Variants in FHDC1 observed in about 807,000 individuals in gnomAD.
The protein encoded by FHDC1 is FH2 domain containing 1, also known as FH2 domain-containing protein 1.
In FHDC1, 25 loss-of-function variants were observed where a neutral mutation model predicts 52.6. That is an observed-to-expected ratio of 0.48 (90% CI 0.35 to 0.66). The LOEUF is 0.66. Ranked by LOEUF, FHDC1 falls within the 30% of genes least tolerant of loss-of-function variation. The pLI, the probability that FHDC1 is intolerant of heterozygous loss-of-function variation, is 0.01. For missense variants in FHDC1, 1,459 were observed against 1,452.8 expected, an observed-to-expected ratio of 1.00 and a Z score of -0.07; for synonymous variants, 616 against 581.5, an observed-to-expected ratio of 1.06 and a Z score of -0.85.
chr4:152,912,498 C>T, the FHDC1 span: 1 of 152,224 alleles, frequency 6.6e-6, no homozygotes, highest in Non-Finnish European at 1.5e-5. Context: ...AATGGGCCCT[C>T]AAAAGTATAT....
At position 152,977,228 on chromosome 4, in the gene FHDC1, T is replaced by A. The variant is rs2149965297; in HGVS notation, c.*505T>A. On this transcript the variant is annotated 3_prime_UTR_variant, in exon 12 of 12. Coordinates refer to ENST00000511601, the MANE Select transcript of FHDC1 (RefSeq NM_001371116.1). ...GCAACATGGAGAAACCCCGTCTCTA[T>A]CAGAAATACAAAATTTAGCCGAGTG... is the stretch of plus-strand genomic sequence containing the variant. 6.6e-6 allele frequency: 1 copy of A among 152,160 alleles called. No homozygotes were observed. Among genetic ancestry groups the A allele is most frequent in the East Asian group, 1.9e-4 (1 of 5,158 alleles). The allele number at this position is 152,160 out of a possible 1,614,324, so 9.4% of individuals were successfully genotyped here. A position where few individuals can be genotyped will look rare whatever the true frequency, so the allele number is the denominator to read the frequency against.
intron 1 of FHDC1, among the ~76,000 whole-genome samples, chr4:152,941,812 C>T (rs540244482): frequency 6.6e-6 from 1 of 152,182 alleles, no homozygotes; most frequent in South Asian, 2.1e-4. Flanking sequence ...AATTACACCC[C>T]GAAGTGCCGT....
In FHDC1 at chr4:152,976,475, C is replaced by T. The variant is rs768907742; in HGVS notation, c.3184C>T (p.Arg1062Trp). ...CGTGGCCAAAGCCCCCGGCATCACT[C>T]GGACAGTGTCGCAGCGGCAGCTGAG... ...PPVAKAPGIT[R>W]TVSQRQLRVK... The change falls in exon 12 of 12, where the codon CGG becomes TGG. Residue 1062 changes from arginine (R) to tryptophan (W), a missense_variant. Transcript: ENST00000511601. The T allele has an allele frequency of 3.1e-6, 5 of 1,613,604 alleles. No individual in the cohort carries two copies. The highest frequency in any genetic ancestry group is 4.2e-6 in the Non-Finnish European group (5 of 1,180,026).
chr4:152,974,590 C>A, intron 11 of FHDC1, 85 bp from the exon 12 acceptor site: 1 of 1,478,474 alleles, frequency 6.8e-7, no homozygotes, highest in Non-Finnish European at 9.0e-7. Flanking sequence ...CTGTATCTTT[C>A]TTTGGCTCTT....
chr4:152,971,171 CAT>C (rs1740626198), intron 10 of FHDC1, among the ~76,000 whole-genome samples: 1 of 152,002 alleles, frequency 6.6e-6, no homozygotes, highest in South Asian at 2.1e-4. Context: ...TCCTGGGAAA[CAT>C]AGGGAAACCC....
chr4:152,971,959 C>G (rs902016315), intron 10 of FHDC1, among the ~76,000 whole-genome samples: 1 of 152,122 alleles, frequency 6.6e-6, no homozygotes, highest in African/African-American at 2.4e-5. Flanking sequence ...GAGCGAGTAG[C>G]TTCAGGGACC....
At chr4:152,924,336 C>A in the FHDC1 span, among the ~76,000 whole-genome samples, 2 of 152,054 alleles carry the variant, frequency 1.3e-5, no homozygotes, top group African/African-American at 4.8e-5. Flanking sequence ...GTTAGAATGG[C>A]AATCATTAAA....
At chr4:152,966,342 A>G (rs1418618046) in intron 9 of FHDC1, among the ~76,000 whole-genome samples, 2 of 152,258 alleles carry the variant, frequency 1.3e-5, no homozygotes, top group East Asian at 3.8e-4. Context: ...TTATTGCACA[A>G]AGAAACATTT....
At chr4:152,960,940 G>A in intron 6 of FHDC1, 96 bp downstream of exon 6, 1 of 819,350 alleles carries the variant, frequency 1.2e-6, no homozygotes, top group South Asian at 2.0e-5. Context: ...GGAAAGTCCT[G>A]AATTTCTGAT....
chr4:152,975,029 C>A lies in FHDC1; in HGVS notation c.1738C>A (p.Arg580=). Residue 580 remains arginine, a synonymous_variant, in exon 12 of 12, where the codon CGG becomes AGG. Coordinates refer to ENST00000511601, the MANE Select transcript of FHDC1 (RefSeq NM_001371116.1). ...SLPRSSPRQA[R]PTIACLEPAE... is the part of the protein sequence containing the mutation. Reference sequence around the variant, plus strand: ...GCCCCGGAGCAGCCCCCGGCAGGCCCGGCCCACGATAGCCTGCCTGGAGCC... The same window carrying A: ...GCCCCGGAGCAGCCCCCGGCAGGCCAGGCCCACGATAGCCTGCCTGGAGCC... The A allele has an allele frequency of 6.2e-7, 1 of 1,612,634 alleles. No individual in the cohort carries two copies. The highest frequency in any genetic ancestry group is 8.5e-7 in the Non-Finnish European group (1 of 1,179,830).
At chr4:152,918,948 C>T in the FHDC1 span, among the ~76,000 whole-genome samples, 1 of 152,342 alleles carries the variant, frequency 6.6e-6, no homozygotes, top group South Asian at 2.1e-4. Flanking sequence ...CCACTAACAC[C>T]TTGAAGAGGA....
intron 2 of FHDC1, among the ~76,000 whole-genome samples, chr4:152,952,703 G>T (rs190161647): frequency 6.6e-6 from 1 of 152,228 alleles, no homozygotes; most frequent in African/African-American, 2.4e-5. Flanking sequence ...CTTGAGCATC[G>T]TTAGATTTTG....
In FHDC1 at chr4:152,975,057, C is replaced by A. The variant is rs749551011; in HGVS notation, c.1766C>A (p.Ala589Glu). 80 of 1,612,268 alleles carry A rather than the reference C, an allele frequency of 5.0e-5. No homozygotes were observed. In the South Asian group the frequency reaches 7.6e-4, roughly 15 times the overall value. ...ARPTIACLEP[A>E]EVRHQDSSFA... ...CCCACGATAGCCTGCCTGGAGCCTG[C>A]AGAAGTGAGGCACCAGGACTCCAGC... The change falls in exon 12 of 12, where the codon GCA becomes GAA. Residue 589 changes from alanine to glutamate, a missense_variant. Around this residue, in one of 3 missense-constraint regions of FHDC1, gnomAD observed 939 missense variants for 854.5 expected, o/e 1.10. Transcript: ENST00000511601.
At chr4:152,937,024 C>G (rs941758756) in intron 1 of FHDC1, among the ~76,000 whole-genome samples, 25 of 152,248 alleles carry the variant, frequency 1.6e-4, no homozygotes, top group African/African-American at 5.3e-4. Flanking sequence ...AGTTGCGCCC[C>G]GCGCCTGCAG....
intron 9 of FHDC1, among the ~76,000 whole-genome samples, chr4:152,967,084 C>T (rs1740486488): frequency 1.3e-5 from 2 of 152,062 alleles, no homozygotes; most frequent in Non-Finnish European, 2.9e-5. Flanking sequence ...CTTGCCACTG[C>T]TCTTCAGCTT....
At chr4:152,943,621 T>TACAC in intron 2 of FHDC1, 66 bp downstream of exon 2, 1 of 1,505,376 alleles carries the variant, frequency 6.6e-7, no homozygotes, top group Non-Finnish European at 8.9e-7. Context: ...GGGATGTGTG[T>TACAC]ACATTTCAAA....
chr4:152,914,485 C>G, the FHDC1 span, among the ~76,000 whole-genome samples: 2 of 152,154 alleles, frequency 1.3e-5, no homozygotes, highest in Non-Finnish European at 2.9e-5. Flanking sequence ...CACCATAACT[C>G]TACTCTTGTG....
In FHDC1 at chr4:152,940,303, A is replaced by G. The variant is rs569591613; in HGVS notation, c.-130-2625A>G. Among the ~76,000 whole-genome samples the G allele has an allele frequency of 2.6e-5, 4 of 152,358 alleles. No individual in the cohort carries two copies. The East Asian group carries it at 7.7e-4, about 29-fold the overall frequency. On this transcript the variant is annotated intron_variant, in intron 1 of 11. Transcript: ENST00000511601. ...GATCCTTGTGTGTTACCCTTGGAAG[A>G]AATTAATCAGACAGCATACCAGGGA... is the stretch of plus-strand genomic sequence containing the variant.
chr4:152,926,068 CCTGTTAGAAACAGG>C, the FHDC1 span, among the ~76,000 whole-genome samples: 11 of 151,810 alleles, frequency 7.2e-5, no homozygotes, highest in Admixed American at 7.2e-4. Context: ...TTAAGGAATG[CCTGTTAGAAACAGG>C]CTGTTAGAAA....
Sources: gnomAD v4.1 joint callset for allele counts (sites outside exome capture counted in the v4.1 genomes callset) on GRCh38, gnomAD v4.1.1 for gene constraint, gnomAD v4.1.1 regional missense constraint, MANE v1.5 for transcripts, NCBI Gene and HGNC (gene_info 2026-07-23, HGNC 2026-07-21) for gene names.